Variants in VGLL4 observed in about 807,000 individuals in gnomAD.
VGLL4 encodes the protein transcription cofactor vestigial-like protein 4.
VGLL4 carries 7 observed loss-of-function variants against 21.0 expected under a neutral mutation model. That is an observed-to-expected ratio of 0.33 (90% CI 0.19 to 0.63). The LOEUF is 0.63. Among genes scored for constraint, VGLL4 ranks in the 20% least tolerant of loss-of-function variants. The pLI is 0.78. For synonymous variants in VGLL4, 222 were observed against 173.2 expected (o/e 1.28, Z -2.21); for missense variants, 394 against 425.7 (o/e 0.93, Z 0.66).
At chr3:11,616,718 T>C (rs1479019920) in intron 1 of VGLL4, among the ~76,000 whole-genome samples, 1 of 152,170 alleles carries the variant, frequency 6.6e-6, no homozygotes, top group Non-Finnish European at 1.5e-5. Context: ...AATCAGAGGA[T>C]GTGGTTCAGT....
intron 1 of VGLL4, chr3:11,610,500 A>T (rs1260299257): frequency 6.6e-6 from 1 of 152,062 alleles, no homozygotes; most frequent in African/African-American, 2.4e-5. Context: ...CACCTCTCAT[A>T]CTATAATGCT....
Position 11,685,666 on chromosome 3 carries a change from A to C in VGLL4, c.64+17305T>G, listed in dbSNP as rs116663295. 3.7e-3 allele frequency among the ~76,000 whole-genome samples: 568 copies of C among 152,326 alleles called. 3 individuals are homozygous for C. The highest frequency in any genetic ancestry group is 0.012 in the African/African-American group (513 of 41,574). ...GAAAAGATAATCTACAAAATGGGAG[A>C]AAATATTTGCAAATCATTCATCTGA... On this transcript the variant is annotated intron_variant, in intron 2 of 5. Transcript: ENST00000273038.
intron 2 of VGLL4, among the ~76,000 whole-genome samples, chr3:11,683,493 T>G (rs1280972852): frequency 6.6e-6 from 1 of 152,230 alleles, no homozygotes; most frequent in African/African-American, 2.4e-5. Flanking sequence ...GTACATTTGT[T>G]GCAACACAAT....
intron 2 of VGLL4, among the ~76,000 whole-genome samples, chr3:11,664,313 G>A (rs2076078637): frequency 6.6e-6 from 1 of 152,124 alleles, no homozygotes; most frequent in Non-Finnish European, 1.5e-5. Context: ...CTGGAAGGAA[G>A]GCAACCAGAG....
Position 11,565,839 on chromosome 3 carries a change from C to G in VGLL4, c.273-820G>C, listed in dbSNP as rs1018214165. 1.3e-5 allele frequency among the ~76,000 whole-genome samples: 2 copies of G among 152,216 alleles called. No individual in the cohort carries two copies. Among genetic ancestry groups the G allele is most frequent in the Non-Finnish European group, 2.9e-5 (2 of 68,026 alleles). On this transcript the variant is annotated intron_variant, in intron 2 of 4. Coordinates refer to ENST00000430365, the MANE Select transcript of VGLL4 (RefSeq NM_001128219.3). The surrounding 1 kb of genome is among the most constrained non-coding windows in gnomAD (Gnocchi z 4.1). Reference sequence around the variant, plus strand: ...GCATCTATTAGACACCAACCCCACACAGGTAAGCCATGGCCAGCCCTGGTC... The same window carrying G: ...GCATCTATTAGACACCAACCCCACAGAGGTAAGCCATGGCCAGCCCTGGTC...
intron 2 of VGLL4, among the ~76,000 whole-genome samples, chr3:11,579,602 A>T (rs1019259943): frequency 6.6e-6 from 1 of 151,884 alleles, no homozygotes; most frequent in South Asian, 2.1e-4. Context: ...ACGTGGGGGG[A>T]GTTCAATCAT....
Position 11,665,112 on chromosome 3 carries a change from T to C in VGLL4, c.64+37859A>G, listed in dbSNP as rs1487211914. ...ATTTGAATATTTTTCTTTTTTTTTT[T>C]TTTTTTTTTTTTTTTTTTTGAGACG... On this transcript the variant is annotated intron_variant, in intron 2 of 5. Coordinates refer to the VGLL4 transcript ENST00000273038. 4.7e-5 allele frequency among the ~76,000 whole-genome samples: 6 copies of C among 126,380 alleles called. 1 individual carries two copies. Among genetic ancestry groups the C allele is most frequent in the Non-Finnish European group, 6.6e-5 (4 of 60,198 alleles). The allele number at this position is 126,380 out of a possible 152,430, so 82.9% of individuals were successfully genotyped here.
chr3:11,587,120 C>T (rs1466473935), intron 2 of VGLL4, among the ~76,000 whole-genome samples: 1 of 152,236 alleles, frequency 6.6e-6, no homozygotes, highest in Non-Finnish European at 1.5e-5. Flanking sequence ...AGGCCATCTT[C>T]TGAGTAATAA....
At chr3:11,571,243 G>A (rs983045944) in intron 2 of VGLL4, among the ~76,000 whole-genome samples, 7 of 152,054 alleles carry the variant, frequency 4.6e-5, no homozygotes, top group African/African-American at 1.2e-4. Context: ...CCTTCTATGC[G>A]TCAGCAACTA....
chr3:11,715,134 C>CAAA (rs755588824), intron 1 of VGLL4, among the ~76,000 whole-genome samples: 2 of 54,802 alleles, frequency 3.6e-5, no homozygotes, highest in Non-Finnish European at 7.4e-5. Context: ...GACTCCGTCT[C>CAAA]AAAAAAAAAA....
At chr3:11,621,442 T>C (rs184527254) in intron 1 of VGLL4, among the ~76,000 whole-genome samples, 7 of 150,350 alleles carry the variant, frequency 4.7e-5, no homozygotes, top group African/African-American at 1.7e-4. Flanking sequence ...GTGTCTTTTG[T>C]GTCTGGTTCT....
At chr3:11,603,987 G>T (rs992081353) in intron 1 of VGLL4, among the ~76,000 whole-genome samples, 3 of 152,146 alleles carry the variant, frequency 2.0e-5, no homozygotes, top group African/African-American at 7.2e-5. Context: ...GCATTTTTAA[G>T]TTCATCCAAC....
intron 2 of VGLL4, among the ~76,000 whole-genome samples, chr3:11,676,413 A>ATAATAATAATAATAAT (rs1553742911): frequency 2.1e-5 from 1 of 46,914 alleles, no homozygotes; most frequent in African/African-American, 5.0e-5. Flanking sequence ...AAAAAAAATA[A>ATAATAATAATAATAAT]AATAATAATA....
In VGLL4 at chr3:11,558,689, T is replaced by C. The variant is rs1009501649; in HGVS notation, c.758A>G (p.Asp253Gly). ...GGCCGCTTTGATCTGGAGCCACGTG[T>C]CACCCAGAGCTTTGGCAAAGTGGTC... ...VDDHFAKALG[D>G]TWLQIKAAKD... The change falls in exon 5 of 5, where the codon GAC (aspartate) becomes GGC (glycine). Residue 253 changes from aspartate (D) to glycine (G), a missense_variant. Physicochemically the swap from Asp to Gly is moderately conservative, Grantham distance 94. Transcript: ENST00000430365. 3.7e-6 allele frequency: 6 copies of C among 1,613,852 alleles called. No individual in the cohort carries two copies. The highest frequency in any genetic ancestry group is 5.1e-6 in the Non-Finnish European group (6 of 1,180,032).
At chr3:11,571,130 C>T (rs17034686) in intron 2 of VGLL4, among the ~76,000 whole-genome samples, 2,158 of 152,268 alleles carry the variant, frequency 0.014, 55 homozygotes, top group African/African-American at 0.048. Context: ...GGCAAAATAC[C>T]GGCATTCGGA....
At chr3:11,564,097 C>A (rs1472627048) in intron 3 of VGLL4, among the ~76,000 whole-genome samples, 2 of 152,192 alleles carry the variant, frequency 1.3e-5, no homozygotes, top group Non-Finnish European at 2.9e-5. Context: ...AGGTCGCAGT[C>A]CCTGGAGATT....
In VGLL4 at chr3:11,558,213, T is replaced by A. The variant is rs2072616726; in HGVS notation, c.*343A>T. ...AAGCACAAAGCGTCTGAGTCACCAA[T>A]TCATCATGGCTTGTGACTGAGAAAG... On this transcript the variant is annotated 3_prime_UTR_variant, in exon 5 of 5. Coordinates refer to ENST00000430365, the MANE Select transcript of VGLL4 (RefSeq NM_001128219.3). 1.4e-5 allele frequency: 5 copies of A among 357,184 alleles called. No individual in the cohort carries two copies. In the Admixed American group the frequency reaches 1.7e-4, roughly 12 times the overall value. 22.1% of individuals were successfully genotyped at this position (357,184 alleles called of 1,614,324 possible). A position where few individuals can be genotyped will look rare whatever the true frequency, so the allele number is the denominator to read the frequency against.
chr3:11,611,609 T>G (rs1371237744), intron 1 of VGLL4: 1 of 152,276 alleles, frequency 6.6e-6, no homozygotes, highest in African/African-American at 2.4e-5. Context: ...CAGCTGCAAC[T>G]GTCCCATCTG....
intron 2 of VGLL4, among the ~76,000 whole-genome samples, chr3:11,675,945 A>C (rs2076282425): frequency 1.3e-5 from 2 of 152,198 alleles, no homozygotes; most frequent in Non-Finnish European, 2.9e-5. Flanking sequence ...ATAAAGATAT[A>C]CATTGCCTTC....
Sources: allele counts gnomAD v4.1 joint callset (sites outside exome capture counted in the v4.1 genomes callset), GRCh38; gene constraint gnomAD v4.1.1; non-coding constraint Gnocchi (gnomAD v3.1); transcripts MANE v1.5; gene names NCBI Gene and HGNC (gene_info 2026-07-23, HGNC 2026-07-21).